RBFOX1: variants seen among roughly 807,000 people sequenced by gnomAD.
RBFOX1 encodes the protein RNA binding protein fox-1 homolog 1.
A neutral mutation model predicts 57.7 loss-of-function variants in RBFOX1; 8 were observed. The ratio of observed to expected loss-of-function variants is 0.14; its 90% confidence interval spans 0.08 to 0.25. RBFOX1 has a LOEUF of 0.25. Among genes scored for constraint, RBFOX1 ranks in the 10% least tolerant of loss-of-function variants. RBFOX1 has a pLI of 1.00. For synonymous variants in RBFOX1, 326 were observed against 222.4 expected (o/e 1.47, Z -4.15); for missense variants, 611 against 548.5 (o/e 1.11, Z -1.14).
At chr16:7,634,815 C>T (rs890807843) in intron 11 of RBFOX1, among the ~76,000 whole-genome samples, 1 of 152,194 alleles carries the variant, frequency 6.6e-6, no homozygotes, top group Non-Finnish European at 1.5e-5. Context: ...AAACTACTCT[C>T]ATCCAGAGTG....
At chr16:6,625,566 G>T (rs1036150844) in intron 2 of RBFOX1, among the ~76,000 whole-genome samples, 1 of 152,040 alleles carries the variant, frequency 6.6e-6, no homozygotes, top group African/African-American at 2.4e-5. Context: ...TTTTCTCTCT[G>T]CCTACTCAGA....
rs28488359 is a variant in RBFOX1 at position 7,021,698 on chromosome 16, C to T, written c.-15-30359C>T. 2.5e-3 allele frequency among the ~76,000 whole-genome samples: 369 copies of T among 149,986 alleles called. 2 individuals carry two copies. Among genetic ancestry groups the T allele is most frequent in the African/African-American group, 8.6e-3 (354 of 41,128 alleles). On this transcript the variant is annotated intron_variant, in intron 3 of 15. Coordinates refer to ENST00000550418, the MANE Select transcript of RBFOX1 (RefSeq NM_018723.4). ...TGCACAGACTGGATTAAGTGTCCAT[C>T]ATAGTATTTACCAAGCTTTTTGCAC...
rs1027855359 is a variant in RBFOX1, at chr16:7,246,574, T to A, written c.27+194476T>A. ...TTTTCCACAAACGCCAAGCTTATTA[T>A]GAACCTAGGGCTTTTTGTTGTTGCA... On this transcript the variant is annotated intron_variant, in intron 4 of 15. Coordinates refer to ENST00000550418, the MANE Select transcript of RBFOX1 (RefSeq NM_018723.4). Among the ~76,000 whole-genome samples, 3 of 151,998 alleles carry A rather than the reference T, an allele frequency of 2.0e-5. 1 individual carries two copies. Among genetic ancestry groups the A allele is most frequent in the Non-Finnish European group, 1.5e-5 (1 of 68,022 alleles).
At chr16:6,539,893 A>G (rs545746860) in intron 2 of RBFOX1, among the ~76,000 whole-genome samples, 1 of 150,628 alleles carries the variant, frequency 6.6e-6, no homozygotes, top group South Asian at 2.1e-4. Context: ...TTCTGCATGA[A>G]CTTTTAAACC....
chr16:6,436,073 C>A (rs1242038122), intron 2 of RBFOX1, among the ~76,000 whole-genome samples: 9 of 152,054 alleles, frequency 5.9e-5, no homozygotes, highest in Non-Finnish European at 1.2e-4. Context: ...AAAACTCTGG[C>A]TCCTGGAAAC....
At chr16:6,162,397 G>C (rs930255508) in intron 1 of RBFOX1, among the ~76,000 whole-genome samples, 2 of 152,174 alleles carry the variant, frequency 1.3e-5, no homozygotes, top group Non-Finnish European at 2.9e-5. Flanking sequence ...TTACTGTCGT[G>C]AGCCACTGCA....
At chr16:6,393,227 A>G (rs1270201120) in intron 2 of RBFOX1, among the ~76,000 whole-genome samples, 7 of 152,180 alleles carry the variant, frequency 4.6e-5, no homozygotes, top group Non-Finnish European at 1.0e-4. Context: ...ATTTTTCTAA[A>G]ACAAATTAAA....
intron 3 of RBFOX1, among the ~76,000 whole-genome samples, chr16:6,793,867 T>C (rs1427745061): frequency 1.3e-5 from 2 of 152,138 alleles, no homozygotes; most frequent in African/African-American, 2.4e-5. Context: ...CTGATGGAAA[T>C]GAGTTTTTTT....
chr16:5,538,083 C>T (rs767499024), intron 2 of RBFOX1, among the ~76,000 whole-genome samples: 1 of 152,092 alleles, frequency 6.6e-6, no homozygotes, highest in Non-Finnish European at 1.5e-5. Flanking sequence ...CATATCCTGA[C>T]CCCAAAGGCA....
chr16:5,497,760 GACA>G (rs1269537241), intron 2 of RBFOX1, among the ~76,000 whole-genome samples: 1 of 152,124 alleles, frequency 6.6e-6, no homozygotes, highest in African/African-American at 2.4e-5. Flanking sequence ...CTCCAGCCTG[GACA>G]ACAGAGTGAG....
chr16:6,898,995 T>C (rs1004345986), intron 3 of RBFOX1, among the ~76,000 whole-genome samples: 10 of 138,708 alleles, frequency 7.2e-5, no homozygotes, highest in Non-Finnish European at 1.5e-4. Context: ...TGCATATATA[T>C]AATGCGTGTA....
chr16:6,315,646 G>A (rs747977103), intron 1 of RBFOX1, among the ~76,000 whole-genome samples: 6 of 152,148 alleles, frequency 3.9e-5, no homozygotes, highest in Non-Finnish European at 7.3e-5. Context: ...ACTAGCCCAT[G>A]AGATTGGTCA....
intron 4 of RBFOX1, among the ~76,000 whole-genome samples, chr16:7,268,335 A>T (rs1403852181): frequency 6.6e-6 from 1 of 152,158 alleles, no homozygotes; most frequent in Non-Finnish European, 1.5e-5. Flanking sequence ...GAAGTGGAGA[A>T]ACCAAGGAAC....
chr16:6,351,366 ATATATATTTT>A (rs2086339591), intron 2 of RBFOX1, among the ~76,000 whole-genome samples: 1 of 99,036 alleles, frequency 1.0e-5, no homozygotes, highest in African/African-American at 4.9e-5. Flanking sequence ...ATATATATAT[ATATATATTTT>A]TTTTTTTTTT....
At chr16:7,277,770 C>A (rs2095469042) in intron 4 of RBFOX1, among the ~76,000 whole-genome samples, 2 of 151,838 alleles carry the variant, frequency 1.3e-5, no homozygotes, top group South Asian at 4.2e-4. Context: ...GAAGTTTAGT[C>A]CAGTATAGAA....
intron 4 of RBFOX1, among the ~76,000 whole-genome samples, chr16:7,138,883 A>C (rs1246067307): frequency 6.6e-6 from 1 of 152,178 alleles, no homozygotes; most frequent in Non-Finnish European, 1.5e-5. Context: ...ATTTAGGCTC[A>C]GTGCAAGCTC....
intron 4 of RBFOX1, among the ~76,000 whole-genome samples, chr16:7,439,729 A>C (rs976549216): frequency 3.3e-5 from 5 of 152,104 alleles, no homozygotes; most frequent in Non-Finnish European, 5.9e-5. Context: ...TTGCTAATGG[A>C]TGTGTCTTTT....
intron 3 of RBFOX1, among the ~76,000 whole-genome samples, chr16:5,707,226 C>G (rs146531663): frequency 6.6e-5 from 10 of 152,316 alleles, no homozygotes; most frequent in East Asian, 5.8e-4. Context: ...CATCCAAGCC[C>G]TCTTTAAACA....
intron 2 of RBFOX1, among the ~76,000 whole-genome samples, chr16:6,574,899 G>T (rs938242084): frequency 2.6e-5 from 4 of 151,398 alleles, no homozygotes; most frequent in African/African-American, 9.7e-5. Flanking sequence ...TTTGGCAGGC[G>T]TGGTGGCGGG....
Sources: allele counts gnomAD v4.1 joint callset (sites outside exome capture counted in the v4.1 genomes callset), GRCh38; gene constraint gnomAD v4.1.1; transcripts MANE v1.5; gene names NCBI Gene and HGNC (gene_info 2026-07-23, HGNC 2026-07-21).